Variants in RCSD1 observed in about 807,000 individuals in gnomAD.
RCSD1 encodes capZ-interacting protein.
A neutral mutation model predicts 42.5 loss-of-function variants in RCSD1; 26 were observed. The ratio of observed to expected loss-of-function variants is 0.61; its 90% CI spans 0.45 to 0.85. RCSD1 has a LOEUF of 0.85. Among genes scored for constraint, RCSD1 ranks in the 40% least tolerant of loss-of-function variants. RCSD1 has a pLI of 0.00. For synonymous variants in RCSD1, 220 were observed against 212.2 expected (o/e 1.04, Z -0.32); for missense variants, 571 against 528.3 (o/e 1.08, Z -0.79).
rs777451361 is a variant in RCSD1, at chr1:167,704,714, C to T, written c.*18C>T. On this transcript the variant is annotated 3_prime_UTR_variant, in exon 7 of 7. Coordinates refer to ENST00000367854, the MANE Select transcript of RCSD1 (RefSeq NM_052862.4). ...AAATGTGAAGAACAGCTCATTGTGC[C>T]CCAGTGATGAAGTTGCTGGACACAT... 1.8e-5 allele frequency: 29 copies of T among 1,611,286 alleles called. No individual in the cohort carries two copies. The Admixed American group carries it at 4.5e-4, about 25-fold the overall frequency.
Position 167,630,403 on chromosome 1 carries a change from C to T in RCSD1, c.-21C>T. On this transcript the variant is annotated 5_prime_UTR_variant, in exon 1 of 7. Transcript: ENST00000367854. The stretch of plus-strand genomic sequence containing the variant: ...CCCGGGCGAGCGGGTGCGTCTGCCG[C>T]AGAGTCGGCACCTGAAGGACATGGA... 6.6e-7 allele frequency: 1 copy of T among 1,521,892 alleles called. No individual in the cohort carries two copies. Among genetic ancestry groups the T allele is most frequent in the Admixed American group, 2.0e-5 (1 of 50,076 alleles). 94.3% of individuals were successfully genotyped at this position (1,521,892 alleles called of 1,614,324 possible).
At chr1:167,646,176 G>A (rs144983847) in intron 1 of RCSD1, among the ~76,000 whole-genome samples, 2 of 152,116 alleles carry the variant, frequency 1.3e-5, no homozygotes, top group South Asian at 2.1e-4. Context: ...TTGGGGGTGC[G>A]GAAGAGGCTG....
chr1:167,643,553 T>A (rs1427074226), intron 1 of RCSD1, among the ~76,000 whole-genome samples: 1 of 152,204 alleles, frequency 6.6e-6, no homozygotes, highest in African/African-American at 2.4e-5. Flanking sequence ...ATTCAACACA[T>A]CCTGTGAGTA....
At chr1:167,674,039 A>G (rs1055650803) in intron 1 of RCSD1, among the ~76,000 whole-genome samples, 6 of 152,208 alleles carry the variant, frequency 3.9e-5, no homozygotes, top group African/African-American at 1.2e-4. Flanking sequence ...TCTGCCTTTC[A>G]ACTAGAGTAG....
chr1:167,650,054 A>C (rs1281195216), intron 1 of RCSD1, among the ~76,000 whole-genome samples: 1 of 152,158 alleles, frequency 6.6e-6, no homozygotes, highest in African/African-American at 2.4e-5. Flanking sequence ...CCCATCACTA[A>C]ATTGCTGTGG....
intron 1 of RCSD1, among the ~76,000 whole-genome samples, chr1:167,678,784 C>A (rs1269956623): frequency 6.6e-6 from 1 of 152,204 alleles, no homozygotes; most frequent in Non-Finnish European, 1.5e-5. Flanking sequence ...CACTACCACT[C>A]GCATCTTCCC....
chr1:167,696,866 G>A (rs1659508787), intron 5 of RCSD1, among the ~76,000 whole-genome samples: 1 of 152,102 alleles, frequency 6.6e-6, no homozygotes, highest in African/African-American at 2.4e-5. Flanking sequence ...TGAATGGAAA[G>A]CATTTGCATC....
chr1:167,633,327 C>T (rs927946972), intron 1 of RCSD1, among the ~76,000 whole-genome samples: 2 of 152,096 alleles, frequency 1.3e-5, no homozygotes, highest in Non-Finnish European at 2.9e-5. Context: ...ATCATGAGTT[C>T]TGCAGGAGTT....
chr1:167,699,566 T>C (rs1216018501), intron 6 of RCSD1, among the ~76,000 whole-genome samples: 1 of 152,190 alleles, frequency 6.6e-6, no homozygotes, highest in Non-Finnish European at 1.5e-5. Flanking sequence ...CTCCCCCTTA[T>C]AAAGATGTCA....
intron 1 of RCSD1, among the ~76,000 whole-genome samples, chr1:167,682,904 A>C (rs113032109): frequency 0.01 from 1,543 of 152,308 alleles, 26 homozygotes; most frequent in African/African-American, 0.036. Context: ...TGGTGACAAA[A>C]GACAAAAACC....
chr1:167,657,725 G>A (rs1658453964), intron 1 of RCSD1, among the ~76,000 whole-genome samples: 2 of 152,012 alleles, frequency 1.3e-5, no homozygotes, highest in African/African-American at 4.8e-5. Flanking sequence ...TTGTTCCCCT[G>A]CTCAAATCAG....
At chr1:167,690,658 A>C (rs1407558440) in intron 4 of RCSD1, among the ~76,000 whole-genome samples, 1 of 152,102 alleles carries the variant, frequency 6.6e-6, no homozygotes, top group African/African-American at 2.4e-5. Context: ...TGAGTAACAG[A>C]GCAAGCTCCT....
intron 1 of RCSD1, among the ~76,000 whole-genome samples, chr1:167,632,489 T>C (rs1657728171): frequency 6.6e-6 from 1 of 152,086 alleles, no homozygotes; most frequent in South Asian, 2.1e-4. Context: ...CCTGAAACTA[T>C]CAGCTGAGCA....
rs1191072323 is a variant in RCSD1 at position 167,706,562 on chromosome 1, ATAG to A, written c.*1870_*1872del. Among the ~76,000 whole-genome samples, 1 of 152,224 alleles carries A rather than the reference ATAG, an allele frequency of 6.6e-6. No individual in the cohort carries two copies. Among genetic ancestry groups the A allele is most frequent in the East Asian group, 1.9e-4 (1 of 5,202 alleles). ...CATTTTTCTTCTGGAGGGTCTAAACATAGTAGCAGACGAGAGAGGGGCAGTAAA... is the reference window on the plus strand; with the variant it reads ...CATTTTTCTTCTGGAGGGTCTAAACATAGCAGACGAGAGAGGGGCAGTAAA... On this transcript the variant is annotated 3_prime_UTR_variant, in exon 7 of 7. Transcript: ENST00000367854.
chr1:167,676,937 A>T (rs1658965445), intron 1 of RCSD1, among the ~76,000 whole-genome samples: 1 of 152,230 alleles, frequency 6.6e-6, no homozygotes, highest in Admixed American at 6.5e-5. Context: ...TCCCAGGCTC[A>T]ATGCCTGCGT....
intron 1 of RCSD1, among the ~76,000 whole-genome samples, chr1:167,675,017 T>A (rs573471144): frequency 6.6e-6 from 1 of 151,950 alleles, no homozygotes; most frequent in Non-Finnish European, 1.5e-5. Context: ...CCATCCTGGC[T>A]AACACAGTGA....
Position 167,649,650 on chromosome 1 carries a change from A to G in RCSD1, c.6+19221A>G, listed in dbSNP as rs2050128. Among the ~76,000 whole-genome samples, 151 of 152,286 alleles carry G rather than the reference A, an allele frequency of 9.9e-4. 3 individuals are homozygous for G. The highest frequency in any genetic ancestry group is 6.8e-3 in the East Asian group (35 of 5,182). ...GGCCTTTAGGAGGCTGGTCATTCAT[A>G]TGGACTAAAGACCAGGAAAGCTGGG... On this transcript the variant is annotated intron_variant, in intron 1 of 6. Transcript: ENST00000367854.
chr1:167,632,118 G>A (rs1657716862), intron 1 of RCSD1, among the ~76,000 whole-genome samples: 1 of 152,208 alleles, frequency 6.6e-6, no homozygotes, highest in East Asian at 1.9e-4. Flanking sequence ...AAAACAACAG[G>A]GTTCTCTCTG....
chr1:167,635,913 G>A (rs1204831527), intron 1 of RCSD1, among the ~76,000 whole-genome samples: 1 of 152,180 alleles, frequency 6.6e-6, no homozygotes, highest in African/African-American at 2.4e-5. Flanking sequence ...TCAGAAGTAA[G>A]ACAGAAGGAT....
Sources: allele counts gnomAD v4.1 joint callset (sites outside exome capture counted in the v4.1 genomes callset), GRCh38; gene constraint gnomAD v4.1.1; transcripts MANE v1.5; gene names NCBI Gene and HGNC (gene_info 2026-07-23, HGNC 2026-07-21).